Variants in ROBO2 observed in about 807,000 individuals in gnomAD.
The protein encoded by ROBO2 is roundabout homolog 2.
A neutral mutation model predicts 160.8 loss-of-function variants in ROBO2; 53 were observed. The ratio of observed to expected loss-of-function variants is 0.33; its 90% CI spans 0.26 to 0.41. The LOEUF (loss-of-function observed/expected upper bound fraction) is 0.41. Ranked by LOEUF, ROBO2 falls within the 10% of genes least tolerant of loss-of-function variation. ROBO2 has a pLI of 1.00. For missense variants in ROBO2, 1,577 were observed against 1,722.4 expected (o/e 0.92, Z 1.49); for synonymous variants, 664 against 611.7 (o/e 1.09, Z -1.26).
chr3:76,909,071 T>A (rs983385713), intron 2 of ROBO2, among the ~76,000 whole-genome samples: 31 of 152,116 alleles, frequency 2.0e-4, no homozygotes, highest in Non-Finnish European at 4.0e-4. Context: ...TACATATTTT[T>A]AAATTAGCTG....
chr3:76,357,893 AAT>A (rs546122297), intron 2 of ROBO2, among the ~76,000 whole-genome samples: 25 of 148,308 alleles, frequency 1.7e-4, no homozygotes, highest in Non-Finnish European at 2.4e-4. Context: ...TAAACTTTAA[AAT>A]ATATATATAT....
intron 2 of ROBO2, among the ~76,000 whole-genome samples, chr3:76,032,056 C>G (rs372339295): frequency 4.6e-5 from 7 of 152,036 alleles, no homozygotes; most frequent in African/African-American, 1.4e-4. Context: ...TCTATTCAGA[C>G]ATTCAACTTC....
intron 2 of ROBO2, among the ~76,000 whole-genome samples, chr3:75,969,376 C>T (rs1351030279): frequency 4.1e-5 from 6 of 145,346 alleles, no homozygotes; most frequent in African/African-American, 1.0e-4. Context: ...GCAATAAACA[C>T]GGGAATACAG....
intron 2 of ROBO2, among the ~76,000 whole-genome samples, chr3:75,980,834 T>C (rs1456890769): frequency 6.6e-6 from 1 of 151,504 alleles, no homozygotes; most frequent in Non-Finnish European, 1.5e-5. Flanking sequence ...AAGAATACAC[T>C]GTTAAGTGCA....
intron 2 of ROBO2, among the ~76,000 whole-genome samples, chr3:77,194,560 G>A (rs997728735): frequency 3.3e-5 from 5 of 151,962 alleles, no homozygotes; most frequent in Non-Finnish European, 7.4e-5. Context: ...TTCATTACTT[G>A]AATTCATTAC....
intron 2 of ROBO2, among the ~76,000 whole-genome samples, chr3:76,585,912 A>G (rs1195538442): frequency 1.3e-5 from 2 of 152,178 alleles, no homozygotes; most frequent in African/African-American, 4.8e-5. Context: ...AAAAAGCATA[A>G]TTATATTAAG....
chr3:76,619,747 T>C (rs2088912632), intron 2 of ROBO2, among the ~76,000 whole-genome samples: 1 of 152,184 alleles, frequency 6.6e-6, no homozygotes, highest in South Asian at 2.1e-4. Flanking sequence ...TCCTGGGTAA[T>C]ATAACTCAAA....
intron 1 of ROBO2, among the ~76,000 whole-genome samples, chr3:75,936,114 T>G (rs1046047399): frequency 9.2e-5 from 14 of 152,234 alleles, no homozygotes; most frequent in Non-Finnish European, 1.8e-4. Context: ...TTTTTACATA[T>G]GAACTTAGAA....
At chr3:77,471,790 A>G (rs1418422162) in intron 2 of ROBO2, among the ~76,000 whole-genome samples, 4 of 152,220 alleles carry the variant, frequency 2.6e-5, no homozygotes, top group Non-Finnish European at 5.9e-5. Context: ...AGTGGGAGAC[A>G]CAGGCAATTT....
intron 2 of ROBO2, among the ~76,000 whole-genome samples, chr3:76,766,493 G>T (rs921062155): frequency 6.6e-6 from 1 of 151,666 alleles, no homozygotes; most frequent in South Asian, 2.1e-4. Context: ...CTTGAGAAAT[G>T]AAAAGACAAG....
At chr3:76,542,866 A>G (rs573948125) in intron 2 of ROBO2, among the ~76,000 whole-genome samples, 1 of 152,310 alleles carries the variant, frequency 6.6e-6, no homozygotes, top group Admixed American at 6.5e-5. Context: ...GCCATTTTCA[A>G]TTCTAACTAT....
At chr3:77,133,149 AG>A (rs994271242) in intron 2 of ROBO2, among the ~76,000 whole-genome samples, 1 of 152,222 alleles carries the variant, frequency 6.6e-6, no homozygotes, top group African/African-American at 2.4e-5. Flanking sequence ...ATGGTTTATA[AG>A]TACAATGTCA....
chr3:76,771,554 G>A (rs549136979), intron 2 of ROBO2, among the ~76,000 whole-genome samples: 15 of 151,056 alleles, frequency 9.9e-5, no homozygotes, highest in Non-Finnish European at 1.5e-4. Context: ...TGAAAAACCT[G>A]AAAAGAATGT....
intron 2 of ROBO2, among the ~76,000 whole-genome samples, chr3:76,300,565 A>G (rs916972161): frequency 2.6e-5 from 4 of 152,016 alleles, no homozygotes; most frequent in Non-Finnish European, 5.9e-5. Flanking sequence ...TTTTGCCATT[A>G]AGGGTGATTA....
At chr3:77,230,169 C>T (rs1471133554) in intron 2 of ROBO2, among the ~76,000 whole-genome samples, 1 of 152,030 alleles carries the variant, frequency 6.6e-6, no homozygotes, top group Non-Finnish European at 1.5e-5. Flanking sequence ...CTCACTGCAG[C>T]CTGGATCTCC....
chr3:76,221,059 A>T (rs1011314170), intron 2 of ROBO2, among the ~76,000 whole-genome samples: 1 of 152,188 alleles, frequency 6.6e-6, no homozygotes, highest in African/African-American at 2.4e-5. Context: ...TGTGTTGTAG[A>T]TATACTCTTC....
intron 2 of ROBO2, among the ~76,000 whole-genome samples, chr3:76,368,168 G>T (rs1416843632): frequency 6.6e-6 from 1 of 151,802 alleles, no homozygotes; most frequent in Non-Finnish European, 1.5e-5. Flanking sequence ...TAAAATAGTT[G>T]AGGGGTGAAT....
intron 2 of ROBO2, among the ~76,000 whole-genome samples, chr3:77,319,309 A>G (rs2064413650): frequency 6.6e-6 from 1 of 152,164 alleles, no homozygotes; most frequent in Non-Finnish European, 1.5e-5. Context: ...TGTATTGTTT[A>G]ATGTCTCCCT....
intron 2 of ROBO2, among the ~76,000 whole-genome samples, chr3:75,972,266 A>G (rs2065017410): frequency 6.6e-6 from 1 of 151,512 alleles, no homozygotes; most frequent in Admixed American, 6.6e-5. Flanking sequence ...TGTGTGAAAT[A>G]CCACAAAATA....
Sources: gnomAD v4.1 joint callset for allele counts (sites outside exome capture counted in the v4.1 genomes callset) on GRCh38, gnomAD v4.1.1 for gene constraint, MANE v1.5 for transcripts, NCBI Gene and HGNC (gene_info 2026-07-23, HGNC 2026-07-21) for gene names.